Variants in SLC22A25 observed in about 807,000 individuals in gnomAD.
The protein encoded by SLC22A25 is MGI:2442751, MGI:2385316, MGI:3042283, MGI:3645714, MGI:3605624, MGI:2442750.
In SLC22A25, 44 loss-of-function variants were observed where a neutral mutation model predicts 45.9. That is an observed-to-expected ratio of 0.96 (90% CI 0.75 to 1.23). The LOEUF (loss-of-function observed/expected upper bound fraction) is 1.23. Ranked by LOEUF, SLC22A25 falls within the 50% of genes most tolerant of loss-of-function variation. SLC22A25 has a pLI of 0.00. For missense variants in SLC22A25, 800 were observed against 666.4 expected, an observed-to-expected ratio of 1.20 and a Z score of -2.21; for synonymous variants, 283 against 238.6, an observed-to-expected ratio of 1.19 and a Z score of -1.72.
chr11:63,197,602 A>G (rs1333026418), intron 7 of SLC22A25, among the ~76,000 whole-genome samples: 1 of 152,354 alleles, frequency 6.6e-6, no homozygotes, highest in Non-Finnish European at 1.5e-5. Context: ...TAAATGTTAG[A>G]CCTAAAACCA....
chr11:63,242,008 C>A (rs2090256682), intron 1 of SLC22A25, among the ~76,000 whole-genome samples: 1 of 152,198 alleles, frequency 6.6e-6, no homozygotes, highest in Non-Finnish European at 1.5e-5. Context: ...AGCAGAATAT[C>A]ATAGTCCATC....
chr11:63,197,455 A>G (rs887575763), intron 7 of SLC22A25, among the ~76,000 whole-genome samples: 2 of 152,222 alleles, frequency 1.3e-5, no homozygotes, highest in Non-Finnish European at 2.9e-5. Flanking sequence ...AATACCACAC[A>G]TCTACAACCA....
chr11:63,183,606 C>G (rs1467205470), intron 8 of SLC22A25, 88 bp downstream of exon 8: 1 of 1,555,152 alleles, frequency 6.4e-7, no homozygotes, highest in Non-Finnish European at 8.8e-7. Flanking sequence ...CTGTGTTTCT[C>G]TCCTTTATTC....
Position 63,166,117 on chromosome 11 carries a change from G to C in SLC22A25, c.1212C>G (p.Ser404Arg). The C allele has an allele frequency of 1.9e-6, 3 of 1,614,012 alleles. No individual in the cohort carries two copies. Among genetic ancestry groups the C allele is most frequent in the Non-Finnish European group, 2.5e-6 (3 of 1,179,952 alleles). Reference sequence around the variant, plus strand: ...TGAGAAGCATCTGGCTTAGTCGACGGCTCATGTGATTCAGTGCCCAAGGTG... The same window carrying C: ...TGAGAAGCATCTGGCTTAGTCGACGCCTCATGTGATTCAGTGCCCAAGGTG... ...CVAPWALNHM[S>R]RRLSQMLLMF... Residue 404 changes from serine (S) to arginine (R), a missense_variant, in exon 10 of 12, where the codon AGC becomes AGG. Ser to Arg is a moderately radical substitution (Grantham distance 110). Coordinates refer to ENST00000306494, the MANE Select transcript of SLC22A25 (RefSeq NM_199352.6).
intron 7 of SLC22A25, among the ~76,000 whole-genome samples, chr11:63,212,506 T>C (rs971007206): frequency 1.1e-4 from 17 of 152,230 alleles, no homozygotes; most frequent in Admixed American, 9.8e-4. Flanking sequence ...TATGAGTTCA[T>C]GTCCTTTGTA....
At chr11:63,190,471 C>T (rs1337632480) in intron 7 of SLC22A25, among the ~76,000 whole-genome samples, 1 of 151,996 alleles carries the variant, frequency 6.6e-6, no homozygotes, top group Non-Finnish European at 1.5e-5. Flanking sequence ...AGGTTTTTAA[C>T]TTCTTTGCCA....
chr11:63,214,266 T>G (rs1357525164), intron 7 of SLC22A25, among the ~76,000 whole-genome samples: 1 of 152,210 alleles, frequency 6.6e-6, no homozygotes, highest in African/African-American at 2.4e-5. Context: ...CCTGACACAC[T>G]ACTGCGCAGT....
chr11:63,187,526 A>C (rs1349886526), intron 7 of SLC22A25, among the ~76,000 whole-genome samples: 1 of 152,114 alleles, frequency 6.6e-6, no homozygotes, highest in Non-Finnish European at 1.5e-5. Context: ...TCCTAATTGA[A>C]TACATTTATT....
chr11:63,217,159 C>T (rs976964847), intron 7 of SLC22A25, among the ~76,000 whole-genome samples, 155 bp downstream of exon 7: 2 of 152,064 alleles, frequency 1.3e-5, no homozygotes, highest in African/African-American at 4.8e-5. Flanking sequence ...CATCAGGAAA[C>T]CCTTTGTGTT....
intron 5 of SLC22A25, among the ~76,000 whole-genome samples, chr11:63,224,581 A>G (rs1335843117): frequency 6.6e-6 from 1 of 151,232 alleles, no homozygotes; most frequent in Non-Finnish European, 1.5e-5. Context: ...CTTGATTTTT[A>G]TTTTTTGTGT....
At chr11:63,164,367 C>G (rs1281582553) in intron 11 of SLC22A25, among the ~76,000 whole-genome samples, 159 bp downstream of exon 11, 1 of 152,176 alleles carries the variant, frequency 6.6e-6, no homozygotes, top group Admixed American at 6.5e-5. Flanking sequence ...GGAACAAAGT[C>G]AGCTTGATAT....
intron 7 of SLC22A25, among the ~76,000 whole-genome samples, chr11:63,207,854 TAATTG>T (rs1180948820): frequency 2.0e-5 from 3 of 152,238 alleles, no homozygotes; most frequent in Non-Finnish European, 4.4e-5. Flanking sequence ...ATGTCTTAAT[TAATTG>T]AATAACTGTC....
chr11:63,177,915 TC>T (rs2134728388), intron 9 of SLC22A25, among the ~76,000 whole-genome samples: 2 of 86,188 alleles, frequency 2.3e-5, no homozygotes, highest in South Asian at 1.1e-3. Context: ...TATCCCATTT[TC>T]TTTTTTTTTG....
At chr11:63,203,315 T>C (rs781729158) in intron 7 of SLC22A25, among the ~76,000 whole-genome samples, 1 of 151,728 alleles carries the variant, frequency 6.6e-6, no homozygotes, top group Non-Finnish European at 1.5e-5. Flanking sequence ...GCTTGACAAA[T>C]GGACAGAAGT....
At position 63,166,143 on chromosome 11, in the gene SLC22A25, C is replaced by A. The variant is rs929152775; in HGVS notation, c.1186G>T (p.Ala396Ser). 6.2e-7 allele frequency: 1 copy of A among 1,613,890 alleles called. No individual in the cohort carries two copies. Among genetic ancestry groups the A allele is most frequent in the Non-Finnish European group, 8.5e-7 (1 of 1,179,970 alleles). ...CTCATGTGATTCAGTGCCCAAGGTG[C>A]AACACAATTGGCCAGGAGGGTGACT... ...GAVTLLANCV[A>S]PWALNHMSRR... Residue 396 changes from alanine to serine, a missense_variant, in exon 10 of 12, where the codon GCA becomes TCA. Ala to Ser is a moderately conservative substitution (Grantham distance 99). Coordinates refer to ENST00000306494, the MANE Select transcript of SLC22A25 (RefSeq NM_199352.6).
At position 63,159,194 on chromosome 11, in the gene SLC22A25, T is replaced by C. The variant is rs1005553673; in HGVS notation, c.*4630A>G. 3.9e-5 allele frequency among the ~76,000 whole-genome samples: 6 copies of C among 152,362 alleles called. No individual in the cohort carries two copies. The highest frequency in any genetic ancestry group is 3.4e-3 in the Middle Eastern group (1 of 294). ...TTAGGTTGCTTCCAAACCTTGGCCA[T>C]TGTGAACAGTTCTGCAACAAATGTG... On this transcript the variant is annotated 3_prime_UTR_variant, in exon 12 of 12. Coordinates refer to ENST00000306494, the MANE Select transcript of SLC22A25 (RefSeq NM_199352.6).
chr11:63,177,750 C>T (rs2088144930), intron 9 of SLC22A25, among the ~76,000 whole-genome samples: 1 of 149,358 alleles, frequency 6.7e-6, no homozygotes. Flanking sequence ...ATTTTTATGG[C>T]TGAATAATAT....
intron 7 of SLC22A25, among the ~76,000 whole-genome samples, chr11:63,214,813 G>A (rs1271946391): frequency 1.3e-5 from 2 of 150,716 alleles, no homozygotes; most frequent in Non-Finnish European, 2.9e-5. Flanking sequence ...AATTTGACTG[G>A]GCCAGTGCAC....
chr11:63,220,299 A>G (rs2089824419), intron 5 of SLC22A25, among the ~76,000 whole-genome samples: 1 of 152,180 alleles, frequency 6.6e-6, no homozygotes, highest in South Asian at 2.1e-4. Flanking sequence ...TGCTCCAGGC[A>G]CAAGCCATCA....
Sources: allele counts gnomAD v4.1 joint callset (sites outside exome capture counted in the v4.1 genomes callset), GRCh38; gene constraint gnomAD v4.1.1; transcripts MANE v1.5; gene names NCBI Gene and HGNC (gene_info 2026-07-23, HGNC 2026-07-21).